FBXL2: variants seen among roughly 807,000 people sequenced by gnomAD.
FBXL2 encodes F-box/LRR-repeat protein 2.
In FBXL2, 38 loss-of-function variants were observed where a neutral mutation model predicts 69.2. That is an observed-to-expected ratio of 0.55 (90% CI 0.42 to 0.72). The LOEUF (loss-of-function observed/expected upper bound fraction) is 0.72, where lower values mean the gene tolerates loss of function less well. FBXL2 is among the 30% of genes least tolerant of loss of function. FBXL2 has a pLI of 0.00. For missense variants in FBXL2, 354 were observed against 520.3 expected (o/e 0.68, Z 3.11); for synonymous variants, 192 against 201.3 (o/e 0.95, Z 0.39).
intron 13 of FBXL2, among the ~76,000 whole-genome samples, chr3:33,379,704 A>C (rs745929109): frequency 6.6e-5 from 10 of 152,048 alleles, no homozygotes; most frequent in African/African-American, 1.4e-4. Context: ...AAAACAAAAA[A>C]AAACACTACA....
the FBXL2 span, among the ~76,000 whole-genome samples, chr3:33,418,070 T>A: frequency 6.6e-6 from 1 of 152,186 alleles, no homozygotes; most frequent in Non-Finnish European, 1.5e-5. Context: ...AGAAGATATA[T>A]GCACTATATT....
chr3:33,394,222 T>C (rs1341526058), intron 12 of FBXL2, among the ~76,000 whole-genome samples: 1 of 146,214 alleles, frequency 6.8e-6, no homozygotes, highest in African/African-American at 2.6e-5. Flanking sequence ...ATTATTATTA[T>C]TATTTGTAGA....
At chr3:33,375,853 GT>G (rs2042600193) in intron 10 of FBXL2, among the ~76,000 whole-genome samples, 1 of 152,102 alleles carries the variant, frequency 6.6e-6, no homozygotes, top group Non-Finnish European at 1.5e-5. Context: ...AGGAAAAAAA[GT>G]TTTTAACAAA....
downstream of FBXL2, among the ~76,000 whole-genome samples, chr3:33,407,239 C>T (rs1399854607): frequency 3.9e-5 from 6 of 152,094 alleles, no homozygotes; most frequent in Admixed American, 1.3e-4. Flanking sequence ...GAACTGCTGA[C>T]GTTTTGCATA....
rs578031733 is a variant in FBXL2 at position 33,328,428 on chromosome 3, C to T, written c.66-30539C>T. On this transcript the variant is annotated intron_variant, in intron 2 of 14. Coordinates refer to ENST00000484457, the MANE Select transcript of FBXL2 (RefSeq NM_012157.5). ...GCAAAAAACAAAACTGGAGGCATTA[C>T]ACTACCTGACTTCAAAATGTACTAC... Among the ~76,000 whole-genome samples the T allele has an allele frequency of 1.3e-4, 20 of 152,236 alleles. No homozygotes were observed. The East Asian group carries it at 3.3e-3, about 25-fold the overall frequency.
At chr3:33,356,102 A>G (rs2041181675) in intron 2 of FBXL2, among the ~76,000 whole-genome samples, 1 of 152,120 alleles carries the variant, frequency 6.6e-6, no homozygotes, top group Admixed American at 6.5e-5. Context: ...GTTGGTTCCT[A>G]TGTGTCTCAG....
intron 1 of FBXL2, among the ~76,000 whole-genome samples, chr3:33,290,908 CAG>C (rs1267658848): frequency 1.3e-5 from 2 of 151,212 alleles, no homozygotes; most frequent in African/African-American, 4.9e-5. Flanking sequence ...TTGTCAGAAA[CAG>C]TGCAGGTCAG....
At chr3:33,313,620 A>AT (rs56719536) in intron 2 of FBXL2, among the ~76,000 whole-genome samples, 36 of 148,830 alleles carry the variant, frequency 2.4e-4, no homozygotes, top group Admixed American at 1.0e-3. Flanking sequence ...TAATTGTTTT[A>AT]TTTTTTTTGT....
intron 12 of FBXL2, among the ~76,000 whole-genome samples, chr3:33,395,327 C>T (rs1461822734): frequency 1.3e-5 from 2 of 151,420 alleles, no homozygotes; most frequent in African/African-American, 2.4e-5. Context: ...GCCATTAACA[C>T]ATCTTTTTTT....
At chr3:33,363,294 G>C (rs1470400001) in intron 4 of FBXL2, among the ~76,000 whole-genome samples, 1 of 152,332 alleles carries the variant, frequency 6.6e-6, no homozygotes, top group Middle Eastern at 3.4e-3. Flanking sequence ...ACCTTCCTCA[G>C]CTTCCCAAAG....
chr3:33,336,090 A>G (rs770408492), intron 2 of FBXL2, among the ~76,000 whole-genome samples: 69 of 152,208 alleles, frequency 4.5e-4, no homozygotes, highest in Admixed American at 9.8e-4. Flanking sequence ...AAGTTGGTAA[A>G]CTGTTTCTAA....
chr3:33,305,696 A>G (rs1210577775), intron 2 of FBXL2, among the ~76,000 whole-genome samples: 1 of 151,942 alleles, frequency 6.6e-6, no homozygotes, highest in Non-Finnish European at 1.5e-5. Context: ...CTTTTTGGGA[A>G]ATTAATTATT....
intron 5 of FBXL2, among the ~76,000 whole-genome samples, chr3:33,366,487 C>A (rs1181316286): frequency 6.6e-6 from 1 of 151,898 alleles, no homozygotes; most frequent in Non-Finnish European, 1.5e-5. Flanking sequence ...AGCAACACAG[C>A]AAGACCCCAT....
intron 13 of FBXL2, 196 bp from the exon 14 acceptor site, chr3:33,383,793 C>G: frequency 1.7e-6 from 1 of 577,660 alleles, no homozygotes; most frequent in Non-Finnish European, 3.1e-6. Flanking sequence ...CTACTACAGA[C>G]TGGATAATTT....
chr3:33,292,793 C>T (rs888483716), intron 1 of FBXL2, among the ~76,000 whole-genome samples: 1 of 149,354 alleles, frequency 6.7e-6, no homozygotes, highest in Non-Finnish European at 1.5e-5. Context: ...TGCAAGAGAC[C>T]CTTGTTAGAT....
At chr3:33,352,240 C>T (rs546059032) in intron 2 of FBXL2, among the ~76,000 whole-genome samples, 14 of 151,988 alleles carry the variant, frequency 9.2e-5, no homozygotes, top group South Asian at 4.2e-4. Flanking sequence ...ACATTTTTTT[C>T]GACAAATGGT....
intron 2 of FBXL2, among the ~76,000 whole-genome samples, chr3:33,356,151 T>C (rs2041185114): frequency 6.6e-6 from 1 of 152,132 alleles, no homozygotes; most frequent in Admixed American, 6.6e-5. Flanking sequence ...GAAGCATGAG[T>C]CCAGTTTGTT....
At chr3:33,342,854 C>A (rs538532306) in intron 2 of FBXL2, among the ~76,000 whole-genome samples, 1 of 144,580 alleles carries the variant, frequency 6.9e-6, no homozygotes, top group Non-Finnish European at 1.5e-5. Context: ...TCCCGAGTAG[C>A]GTAGCTGGGA....
chr3:33,378,615 C>A, intron 12 of FBXL2, 70 bp from the exon 13 acceptor site: 1 of 1,460,500 alleles, frequency 6.8e-7, no homozygotes, highest in South Asian at 1.3e-5. Flanking sequence ...TTCTCGTGTT[C>A]AGGAGAAGCC....
Sources: allele counts gnomAD v4.1 joint callset (sites outside exome capture counted in the v4.1 genomes callset), GRCh38; gene constraint gnomAD v4.1.1; transcripts MANE v1.5; gene names NCBI Gene and HGNC (gene_info 2026-07-23, HGNC 2026-07-21).